The following MSL3 variants were observed in gnomAD, a reference collection of about 807,000 sequenced individuals.
MSL3 encodes the protein MSL3-like 1.
A neutral mutation model predicts 37.2 loss-of-function variants in MSL3; 5 were observed. That is an observed-to-expected ratio of 0.13 (90% CI 0.07 to 0.28). The LOEUF is 0.28. Among genes scored for constraint, MSL3 ranks in the 10% least tolerant of loss-of-function variants. MSL3 has a pLI of 1.00. For synonymous variants in MSL3, 149 were observed against 147.6 expected (o/e 1.01, Z -0.07); for missense variants, 315 against 408.5 (o/e 0.77, Z 1.97).
intron 9 of MSL3, chrX:11,767,312 A>G: frequency 1.4e-6 from 1 of 725,696 alleles, no homozygotes; most frequent in African/African-American, 2.3e-5. Flanking sequence ...AGCTTGATTG[A>G]GATATAATCC....
chrX:11,767,456 A>G (rs1364901186), intron 9 of MSL3: 2 of 149,342 alleles, frequency 1.3e-5, no homozygotes, highest in African/African-American at 6.4e-5. Flanking sequence ...GTGAAACCCC[A>G]TCTCTTAAAG....
rs1555905465 is a variant in MSL3, at chrX:11,758,415, C to CAGGGGG, written c.102+50_102+51insAGGGGG. The CAGGGGG allele has an allele frequency of 7.1e-6, 7 of 982,675 alleles. No homozygotes were observed. The Admixed American group carries it at 2.3e-4, about 33-fold the overall frequency. The allele number at this position is 982,675 out of a possible 1,213,427, so 81.0% of individuals were successfully genotyped here. A position where few individuals can be genotyped will look rare whatever the true frequency, so the allele number is the denominator to read the frequency against. ...GAGGCGCGGGCTGGGGGACCCGGGACCGGGGGCGGGGGCGGGGGCGGACGG... is the reference window on the plus strand; with the variant it reads ...GAGGCGCGGGCTGGGGGACCCGGGACAGGGGGCGGGGGCGGGGGCGGGGGCGGACGG... On this transcript the variant is annotated intron_variant, in intron 1 of 12. Transcript: ENST00000312196.
In MSL3 at chrX:11,758,276, G is replaced by A. The variant is rs1483453197; in HGVS notation, c.13G>A (p.Glu5Lys). The change falls in exon 1 of 13, where the codon GAG becomes AAG. Residue 5 changes from glutamate (E) to lysine (K), a missense_variant. Glu to Lys is a moderately conservative substitution (Grantham distance 56, BLOSUM62 1). Coordinates refer to ENST00000312196, the MANE Select transcript of MSL3 (RefSeq NM_078629.4). Reference protein sequence around the residue: MSASEGMKFKFHSGE... With the variant: MSASKGMKFKFHSGE... ...CCACGATGAGCAAATGAGCGCGAGC[G>A]AGGGCATGAAATTTAAATTCCACTC... 3.7e-6 allele frequency: 4 copies of A among 1,079,301 alleles called. No individual in the cohort carries two copies. In the East Asian group the frequency reaches 1.3e-4, roughly 36 times the overall value. 88.9% of individuals were successfully genotyped at this position (1,079,301 alleles called of 1,213,427 possible).
chrX:11,765,733 G>A lies in MSL3; in HGVS notation c.1171+4G>A, dbSNP rs1418786842. ...CTCTTCCTGCACCTGGAAAAGAGTA[G>A]GTTCATTCTCGGGTGCCCCAGGCCG... On this transcript the variant is annotated splice_donor_region_variant and intron_variant, in intron 9 of 12. Coordinates refer to ENST00000312196, the MANE Select transcript of MSL3 (RefSeq NM_078629.4). 1 of 1,210,662 alleles carries A rather than the reference G, an allele frequency of 8.3e-7. No homozygotes were observed. Among genetic ancestry groups the A allele is most frequent in the African/African-American group, 1.7e-5 (1 of 57,886 alleles).
In MSL3 at chrX:11,766,193, C is replaced by T. The variant is rs1241761931; in HGVS notation, c.1171+464C>T. On this transcript the variant is annotated intron_variant, in intron 9 of 12. Coordinates refer to ENST00000312196, the MANE Select transcript of MSL3 (RefSeq NM_078629.4). ...TCAGATTTCCATAAGCTCTTCTCACCTCCTCTTAGCCCAACTCAAACTCCA... is the reference window on the plus strand; with the variant it reads ...TCAGATTTCCATAAGCTCTTCTCACTTCCTCTTAGCCCAACTCAAACTCCA... The T allele has an allele frequency of 3.9e-6, 3 of 778,538 alleles. No homozygotes were observed. The Admixed American group carries it at 2.4e-4, about 63-fold the overall frequency. 64.2% of individuals were successfully genotyped at this position (778,538 alleles called of 1,213,427 possible).
At chrX:11,761,090 T>C in intron 4 of MSL3, 153 bp downstream of exon 4, 1 of 446,099 alleles carries the variant, frequency 2.2e-6, no homozygotes, top group Non-Finnish European at 3.9e-6. Flanking sequence ...GCAGTCAATA[T>C]AAGTCAGTAA....
Position 11,760,919 on chromosome X carries a change from G to A in MSL3, c.364G>A (p.Asp122Asn). 8.4e-7 allele frequency: 1 copy of A among 1,183,507 alleles called. No individual in the cohort carries two copies. Residue 122 changes from aspartate (D) to asparagine (N), a missense_variant, in exon 4 of 13, where the codon GAT becomes AAT. By Grantham distance (23) the Asp-to-Asn change is conservative. Coordinates refer to ENST00000312196, the MANE Select transcript of MSL3 (RefSeq NM_078629.4). ...VLKGLPTEEK[D>N]ENDENSLSSS... ...AAAAGGCCTCCCCACTGAAGAAAAA[G>A]ATGAAAATGATGAAAACTGTGAGTA...
At chrX:11,759,283 C>T (rs1477756238) in intron 1 of MSL3, among the ~76,000 whole-genome samples, 1 of 112,267 alleles carries the variant, frequency 8.9e-6, no homozygotes. Flanking sequence ...CCCTCCCCTG[C>T]TGCTCCTGTC....
intron 1 of MSL3, among the ~76,000 whole-genome samples, chrX:11,759,209 A>C (rs1191909702): frequency 8.9e-6 from 1 of 112,315 alleles, no homozygotes; most frequent in Non-Finnish European, 1.9e-5. Flanking sequence ...ATGTCTGGAC[A>C]GCTCTGTCCA....
chrX:11,763,672 TA>T, intron 7 of MSL3, 107 bp from the exon 8 acceptor site: 1 of 577,893 alleles, frequency 1.7e-6, no homozygotes, highest in Non-Finnish European at 2.8e-6. Context: ...GTGTAGTATA[TA>T]ATGATTAGAT....
chrX:11,774,546 C>T (rs991005671), intron 12 of MSL3, among the ~76,000 whole-genome samples: 2 of 111,899 alleles, frequency 1.8e-5, no homozygotes, highest in African/African-American at 6.5e-5. Flanking sequence ...TTCTCGATCT[C>T]CTGACCTCGT....
chrX:11,760,989 G>A lies in MSL3; in HGVS notation c.382+52G>A, dbSNP rs764272463. ...GGCTGAAAGAACTTCCACCTAGACT[G>A]AGAGAAGGATTCACTGAAATTCTAG... On this transcript the variant is annotated intron_variant, in intron 4 of 12. Coordinates refer to ENST00000312196, the MANE Select transcript of MSL3 (RefSeq NM_078629.4). 4.5e-5 allele frequency: 39 copies of A among 876,383 alleles called. No homozygotes were observed. In the East Asian group the frequency reaches 9.5e-4, roughly 21 times the overall value. 72.2% of individuals were successfully genotyped at this position (876,383 alleles called of 1,213,427 possible). A position where few individuals can be genotyped will look rare whatever the true frequency, so the allele number is the denominator to read the frequency against.
chrX:11,772,897 T>C (rs2053243179), intron 12 of MSL3, among the ~76,000 whole-genome samples, 192 bp downstream of exon 12: 2 of 111,758 alleles, frequency 1.8e-5, no homozygotes, highest in South Asian at 3.7e-4. Context: ...CCATAATTTC[T>C]CTGGTTTCTG....
chrX:11,764,066 G>A (rs1370360595), intron 8 of MSL3, 128 bp downstream of exon 8: 3 of 590,115 alleles, frequency 5.1e-6, no homozygotes, highest in Non-Finnish European at 7.7e-6. Context: ...TGAAAAGTGT[G>A]TGTCCTGGTG....
At chrX:11,772,337 C>A in intron 11 of MSL3, 82 bp downstream of exon 11, 1 of 774,233 alleles carries the variant, frequency 1.3e-6, no homozygotes. Flanking sequence ...GTGGTTTGGG[C>A]TATAATTATC....
chrX:11,771,881 A>G (rs982820649), intron 10 of MSL3, among the ~76,000 whole-genome samples: 1 of 112,451 alleles, frequency 8.9e-6, no homozygotes, highest in African/African-American at 3.2e-5. Flanking sequence ...GCGCCTGGCC[A>G]TGCAGCAGAA....
intron 8 of MSL3, among the ~76,000 whole-genome samples, chrX:11,764,501 G>C (rs2053162268): frequency 9.0e-6 from 1 of 110,867 alleles, no homozygotes; most frequent in Non-Finnish European, 1.9e-5. Context: ...TGAGGGGGCA[G>C]GGAGGGGGAT....
At chrX:11,763,528 C>G (rs1409527015) in intron 7 of MSL3, among the ~76,000 whole-genome samples, 1 of 112,605 alleles carries the variant, frequency 8.9e-6, no homozygotes, top group Non-Finnish European at 1.9e-5. Context: ...TGCTGGACAC[C>G]TCGTGTGGCC....
chrX:11,772,125 A>G (rs761700836), intron 10 of MSL3, 31 bp from the exon 11 acceptor site: 10 of 1,065,262 alleles, frequency 9.4e-6, no homozygotes, highest in Non-Finnish European at 1.3e-5. Context: ...CATTAAGAAT[A>G]ACAAAAGCAT....
Sources: allele counts gnomAD v4.1 joint callset (sites outside exome capture counted in the v4.1 genomes callset), GRCh38; gene constraint gnomAD v4.1.1; transcripts MANE v1.5; gene names NCBI Gene and HGNC (gene_info 2026-07-23, HGNC 2026-07-21).